The following SPC25 variants were observed in gnomAD, a reference collection of about 807,000 sequenced individuals.
SPC25 encodes SPC25 component of NDC80 kinetochore complex.
A neutral mutation model predicts 29.6 loss-of-function variants in SPC25; 22 were observed. The ratio of observed to expected loss-of-function variants is 0.74; its 90% CI spans 0.53 to 1.06. The LOEUF (loss-of-function observed/expected upper bound fraction) is 1.06. SPC25 is among the 50% of genes least tolerant of loss of function. The pLI, the probability that SPC25 is intolerant of heterozygous loss-of-function variation, is 0.00. For synonymous variants in SPC25, 91 were observed against 90.4 expected, an observed-to-expected ratio of 1.01 and a Z score of -0.04; for missense variants, 230 against 255.8, an observed-to-expected ratio of 0.90 and a Z score of 0.69.
At chr2:168,876,306 T>C in intron 4 of SPC25, 130 bp from the exon 5 acceptor site, 1 of 660,806 alleles carries the variant, frequency 1.5e-6, no homozygotes, top group Middle Eastern at 4.3e-4. Context: ...CCATTTATTG[T>C]TTCTATATCT....
chr2:168,866,193 A>G (rs1246522295), downstream of SPC25, among the ~76,000 whole-genome samples: 8 of 152,302 alleles, frequency 5.3e-5, no homozygotes, highest in Non-Finnish European at 8.8e-5. Context: ...GAACAAAGCC[A>G]GAGGCATCAC....
At chr2:168,867,795 C>G (rs535171191), downstream of SPC25, among the ~76,000 whole-genome samples, 1 of 152,026 alleles carries the variant, frequency 6.6e-6, no homozygotes, top group Non-Finnish European at 1.5e-5. Context: ...GACAGATCAA[C>G]GAGACAGAAA....
chr2:168,885,739 A>G lies in SPC25; in HGVS notation c.199+3487T>C, dbSNP rs531718843. Among the ~76,000 whole-genome samples, 6 of 152,332 alleles carry G rather than the reference A, an allele frequency of 3.9e-5. No individual in the cohort carries two copies. In the East Asian group the frequency reaches 1.2e-3, roughly 29 times the overall value. ...AACCCTCCTTTATGTGATTTTCTCC[A>G]AAGTAGTGTGGTATAATCAGACCGC... On this transcript the variant is annotated intron_variant, in intron 3 of 6. Coordinates refer to ENST00000282074, the MANE Select transcript of SPC25 (RefSeq NM_020675.4).
intron 3 of SPC25, among the ~76,000 whole-genome samples, chr2:168,887,364 G>A (rs1690286190): frequency 6.6e-6 from 1 of 151,286 alleles, no homozygotes; most frequent in Admixed American, 6.6e-5. Context: ...AAAGGTTGCA[G>A]TGAGCCGAGA....
rs1222934263 is a variant in SPC25, at chr2:168,888,998, T to C, written c.199+228A>G. 5.9e-3 allele frequency among the ~76,000 whole-genome samples: 589 copies of C among 99,892 alleles called. 12 individuals carry two copies. The highest frequency in any genetic ancestry group is 0.023 in the African/African-American group (549 of 24,006). 65.5% of individuals were successfully genotyped at this position (99,892 alleles called of 152,430 possible). Reference sequence around the variant, plus strand: ...ACACACACACATATATATGTATATATATACACATATATGTATATATATACA... The same window carrying C: ...ACACACACACATATATATGTATATACATACACATATATGTATATATATACA... On this transcript the variant is annotated intron_variant, in intron 3 of 6. Transcript: ENST00000282074.
intron 3 of SPC25, among the ~76,000 whole-genome samples, chr2:168,888,000 C>T (rs957300937): frequency 1.4e-4 from 22 of 152,186 alleles, no homozygotes; most frequent in Non-Finnish European, 2.9e-5. Flanking sequence ...TACTAGAGGC[C>T]AGGCATGGTG....
At chr2:168,864,769 TATCA>T (rs999880231) in intron 4 of SPC25, 6 of 1,579,672 alleles carry the variant, frequency 3.8e-6, no homozygotes, top group African/African-American at 2.7e-5. Flanking sequence ...TTAAAACTCT[TATCA>T]ATCGGGCTGA....
intron 3 of SPC25, among the ~76,000 whole-genome samples, chr2:168,878,253 TAA>T (rs1388877124): frequency 6.6e-6 from 1 of 152,184 alleles, no homozygotes; most frequent in South Asian, 2.1e-4. Flanking sequence ...AATAAAATAT[TAA>T]GTTACATTAA....
In SPC25 at chr2:168,873,686, GAA is replaced by G; in HGVS notation, c.452-5_452-4del. The G allele has an allele frequency of 6.3e-7, 1 of 1,591,842 alleles. No individual in the cohort carries two copies. Among genetic ancestry groups the G allele is most frequent in the Non-Finnish European group, 8.6e-7 (1 of 1,160,804 alleles). On this transcript the variant is annotated splice_polypyrimidine_tract_variant and splice_region_variant and intron_variant, in intron 5 of 6. Transcript: ENST00000282074. Reference sequence around the variant, plus strand: ...GAAAATAAACTGCAATTTCTCACCTGAAAAGAGATTAAACTATTTAGTGTGTC... The same window carrying G: ...GAAAATAAACTGCAATTTCTCACCTGAAGAGATTAAACTATTTAGTGTGTC...
At chr2:168,861,657 G>C (rs1472053662) in intron 4 of SPC25, among the ~76,000 whole-genome samples, 1 of 152,026 alleles carries the variant, frequency 6.6e-6, no homozygotes, top group Admixed American at 6.6e-5. Context: ...ACTGGTGAAT[G>C]TTTTCCAAAA....
rs764026794 is a variant in SPC25 at position 168,889,342 on chromosome 2, A to C, written c.133+45T>G. 8 of 1,613,542 alleles carry C rather than the reference A, an allele frequency of 5.0e-6. No homozygotes were observed. The African/African-American group carries it at 1.1e-4, about 22-fold the overall frequency. On this transcript the variant is annotated intron_variant, in intron 2 of 6. Coordinates refer to ENST00000282074, the MANE Select transcript of SPC25 (RefSeq NM_020675.4). ...TCAGCTGCAATAACACTAAAAAATA[A>C]ACTAGAACAGCAAAACCAGCATGTT...
At position 168,886,130 on chromosome 2, in the gene SPC25, T is replaced by G. The variant is rs181470695; in HGVS notation, c.199+3096A>C. Among the ~76,000 whole-genome samples, 776 of 147,264 alleles carry G rather than the reference T, an allele frequency of 5.3e-3. 11 individuals carry two copies. Among genetic ancestry groups the G allele is most frequent in the African/African-American group, 0.019 (746 of 39,510 alleles). On this transcript the variant is annotated intron_variant, in intron 3 of 6. Coordinates refer to ENST00000282074, the MANE Select transcript of SPC25 (RefSeq NM_020675.4). The stretch of plus-strand genomic sequence containing the variant: ...GTGAAGTGGCATGATCACGGCTCAC[T>G]GTAACCTCAATCTCCTGGGCTCAAG...
downstream of SPC25, among the ~76,000 whole-genome samples, chr2:168,867,394 TTAAATG>T (rs1316386199): frequency 2.0e-5 from 3 of 152,152 alleles, no homozygotes; most frequent in African/African-American, 7.2e-5. Context: ...AATATTAACT[TTAAATG>T]TAAATGGGCT....
chr2:168,886,524 C>CTT (rs112769874), intron 3 of SPC25, among the ~76,000 whole-genome samples: 14 of 143,920 alleles, frequency 9.7e-5, no homozygotes, highest in African/African-American at 2.3e-4. Context: ...AAACTGATTT[C>CTT]TTTTTTTTTT....
intron 3 of SPC25, among the ~76,000 whole-genome samples, chr2:168,882,498 G>A (rs1690194023): frequency 6.6e-6 from 1 of 152,196 alleles, no homozygotes; most frequent in Non-Finnish European, 1.5e-5. Flanking sequence ...CCAGCTACTA[G>A]GGAGGCTGAG....
At chr2:168,865,767 CA>C (rs1334201475) in intron 4 of SPC25, among the ~76,000 whole-genome samples, 1 of 129,276 alleles carries the variant, frequency 7.7e-6, no homozygotes, top group Non-Finnish European at 1.8e-5. Flanking sequence ...GCAACTTCAG[CA>C]AAGTCTCAAG....
At chr2:168,868,288 C>A (rs530939107), downstream of SPC25, among the ~76,000 whole-genome samples, 2,370 of 152,090 alleles carry the variant, frequency 0.016, 66 homozygotes, top group African/African-American at 0.054. Context: ...CATCACAATT[C>A]AAAGAACTAG....
At chr2:168,889,013 A>G (rs377550710) in intron 3 of SPC25, among the ~76,000 whole-genome samples, 1,426 of 61,912 alleles carry the variant, frequency 0.023, 52 homozygotes, top group African/African-American at 0.083. Flanking sequence ...ACATATATGT[A>G]TATATATACA....
intron 4 of SPC25, chr2:168,865,222 A>T (rs1689793634): frequency 2.3e-6 from 1 of 432,154 alleles, no homozygotes; most frequent in East Asian, 4.2e-5. Context: ...GACCCTAGAG[A>T]TGATCCAGTA....
Sources: gnomAD v4.1 joint callset for allele counts (sites outside exome capture counted in the v4.1 genomes callset) on GRCh38, gnomAD v4.1.1 for gene constraint, MANE v1.5 for transcripts, NCBI Gene and HGNC (gene_info 2026-07-23, HGNC 2026-07-21) for gene names.